The following MED27 variants were observed in gnomAD, a reference collection of about 807,000 sequenced individuals.
The protein encoded by MED27 is mediator of RNA polymerase II transcription subunit 27.
A neutral mutation model predicts 38.2 loss-of-function variants in MED27; 30 were observed. That is an observed-to-expected ratio of 0.79 (90% CI 0.59 to 1.07). MED27 has a LOEUF of 1.07. Among genes scored for constraint, MED27 ranks in the 50% least tolerant of loss-of-function variants. The probability of loss-of-function intolerance (pLI) is 0.00; values close to 1 mark genes in which losing one functional copy is unlikely to be tolerated. For synonymous variants in MED27, 122 were observed against 153.5 expected (o/e 0.79, Z 1.52); for missense variants, 289 against 397.5 (o/e 0.73, Z 2.32).
intron 2 of MED27, among the ~76,000 whole-genome samples, chr9:132,020,797 ATG>A (rs1475652745): frequency 1.3e-5 from 2 of 152,240 alleles, no homozygotes; most frequent in Admixed American, 1.3e-4. Context: ...ATATCAGATG[ATG>A]ATATTAGCTT....
intron 3 of MED27, among the ~76,000 whole-genome samples, chr9:132,000,508 T>C (rs1038506228): frequency 6.6e-6 from 1 of 152,142 alleles, no homozygotes; most frequent in Admixed American, 6.5e-5. Context: ...CCTCAATATT[T>C]ACCCAAGAGA....
chr9:132,057,590 T>C (rs1833609073), intron 2 of MED27, among the ~76,000 whole-genome samples: 1 of 152,226 alleles, frequency 6.6e-6, no homozygotes, highest in Admixed American at 6.5e-5. Context: ...GGGACCTCCT[T>C]AAACTTCATT....
At chr9:132,014,266 C>CCCAAACAAGTA (rs1832554612) in intron 3 of MED27, 71 bp downstream of exon 3, 1 of 1,474,032 alleles carries the variant, frequency 6.8e-7, no homozygotes, top group Non-Finnish European at 9.2e-7. Flanking sequence ...TAACTTTCCA[C>CCCAAACAAGTA]TACCCAAAAA....
intron 3 of MED27, among the ~76,000 whole-genome samples, chr9:131,978,688 A>AC (rs1831663261): frequency 6.6e-6 from 1 of 152,218 alleles, no homozygotes; most frequent in African/African-American, 2.4e-5. Flanking sequence ...AACAACAACA[A>AC]AAAAAACTCT....
At chr9:132,031,252 A>C (rs1297331133) in intron 2 of MED27, among the ~76,000 whole-genome samples, 1 of 152,210 alleles carries the variant, frequency 6.6e-6, no homozygotes, top group Non-Finnish European at 1.5e-5. Flanking sequence ...CTGCACACTA[A>C]ATGGTGAGCT....
intron 3 of MED27, among the ~76,000 whole-genome samples, chr9:131,990,938 A>G (rs1471171845): frequency 6.6e-5 from 10 of 152,234 alleles, no homozygotes; most frequent in Middle Eastern, 3.2e-3. Flanking sequence ...TCATTAATCA[A>G]TGTAACTGGC....
At chr9:131,993,731 T>C (rs964664389) in intron 3 of MED27, among the ~76,000 whole-genome samples, 11 of 152,190 alleles carry the variant, frequency 7.2e-5, no homozygotes, top group Non-Finnish European at 1.5e-5. Context: ...CACATTTCAT[T>C]AACATCGATG....
chr9:131,867,375 C>T (rs1408395502), intron 6 of MED27, among the ~76,000 whole-genome samples: 1 of 152,158 alleles, frequency 6.6e-6, no homozygotes, highest in Non-Finnish European at 1.5e-5. Flanking sequence ...GACACAGCCC[C>T]GTCAAAACTC....
chr9:131,862,725 A>G lies in MED27; in HGVS notation c.801+338T>C, dbSNP rs376388802. Among the ~76,000 whole-genome samples, 469 of 152,308 alleles carry G rather than the reference A, an allele frequency of 3.1e-3. 5 individuals are homozygous for G. The highest frequency in any genetic ancestry group is 0.011 in the African/African-American group (442 of 41,556). On this transcript the variant is annotated intron_variant, in intron 7 of 7. Coordinates refer to ENST00000292035, the MANE Select transcript of MED27 (RefSeq NM_004269.4). This position sits in a 1 kb window ranked among gnomAD's most constrained non-coding sequence, Gnocchi z 4.6. Reference sequence around the variant, plus strand: ...GGGAAACTGCACGATCTGTTAATTCACTGCTACATGCTCTGTGCCAACCAC... The same window carrying G: ...GGGAAACTGCACGATCTGTTAATTCGCTGCTACATGCTCTGTGCCAACCAC...
chr9:131,930,426 G>C (rs899107191), intron 4 of MED27, among the ~76,000 whole-genome samples: 15 of 152,310 alleles, frequency 9.8e-5, no homozygotes, highest in African/African-American at 3.1e-4. Context: ...AGACCTCTCA[G>C]TGGAAACCTT....
intron 3 of MED27, among the ~76,000 whole-genome samples, chr9:131,984,282 A>C (rs931577401): frequency 1.3e-5 from 2 of 152,038 alleles, no homozygotes; most frequent in African/African-American, 4.8e-5. Flanking sequence ...ATGACTTCTG[A>C]TTGTTTGTCT....
intron 3 of MED27, among the ~76,000 whole-genome samples, chr9:132,014,032 C>A (rs1343451128): frequency 6.6e-6 from 1 of 151,900 alleles, no homozygotes; most frequent in Admixed American, 6.6e-5. Flanking sequence ...ACAGTGAAAC[C>A]CCATCTCTAC....
intron 2 of MED27, among the ~76,000 whole-genome samples, chr9:132,042,778 T>C (rs1833246853): frequency 6.6e-6 from 1 of 152,214 alleles, no homozygotes; most frequent in African/African-American, 2.4e-5. Flanking sequence ...CTAGAGCCAG[T>C]GGAAAATCCC....
At chr9:131,876,813 A>G (rs1276633393) in intron 6 of MED27, among the ~76,000 whole-genome samples, 1 of 152,234 alleles carries the variant, frequency 6.6e-6, no homozygotes, top group African/African-American at 2.4e-5. Flanking sequence ...AGTCATGGAC[A>G]GAACTTTGTC....
intron 3 of MED27, among the ~76,000 whole-genome samples, chr9:131,976,364 C>T (rs1045349698): frequency 6.6e-6 from 1 of 152,198 alleles, no homozygotes; most frequent in South Asian, 2.1e-4. Context: ...CAATTATCCT[C>T]TCCATTATCC....
chr9:131,887,467 G>A (rs1839159846), intron 5 of MED27, among the ~76,000 whole-genome samples: 1 of 152,214 alleles, frequency 6.6e-6, no homozygotes, highest in Non-Finnish European at 1.5e-5. Flanking sequence ...GGAGTGCACA[G>A]CAGGTGGTTC....
At chr9:131,909,608 C>A (rs946335360) in intron 4 of MED27, among the ~76,000 whole-genome samples, 1 of 152,204 alleles carries the variant, frequency 6.6e-6, no homozygotes, top group Non-Finnish European at 1.5e-5. Flanking sequence ...AGGATATATG[C>A]CAACTTGACC....
At chr9:131,976,753 G>A (rs979309726) in intron 3 of MED27, among the ~76,000 whole-genome samples, 4 of 152,134 alleles carry the variant, frequency 2.6e-5, no homozygotes, top group Admixed American at 1.3e-4. Flanking sequence ...CAATGATTAC[G>A]AAAATAGCTA....
At chr9:132,000,629 C>T (rs964212765) in intron 3 of MED27, among the ~76,000 whole-genome samples, 10 of 152,032 alleles carry the variant, frequency 6.6e-5, no homozygotes, top group Non-Finnish European at 1.2e-4. Flanking sequence ...AAACAAACTG[C>T]AGTATATCCA....
Sources: gnomAD v4.1 joint callset for allele counts (sites outside exome capture counted in the v4.1 genomes callset) on GRCh38, gnomAD v4.1.1 for gene constraint, Gnocchi (gnomAD v3.1) non-coding constraint, MANE v1.5 for transcripts, NCBI Gene and HGNC (gene_info 2026-07-23, HGNC 2026-07-21) for gene names.